CDH13: variants seen among roughly 807,000 people sequenced by gnomAD.
The protein encoded by CDH13 is cadherin 13.
Under a neutral mutation model 63.8 loss-of-function variants are expected in CDH13, and 24 were observed. The ratio of observed to expected loss-of-function variants is 0.38; its 90% CI spans 0.27 to 0.53. CDH13 has a LOEUF of 0.53. CDH13 is among the 20% of genes least tolerant of loss of function. The pLI is 0.85. For missense variants in CDH13, 1,049 were observed against 903.1 expected (o/e 1.16, Z -2.07); for synonymous variants, 503 against 355.3 (o/e 1.42, Z -4.67).
chr16:83,044,067 A>G (rs1004681115), intron 3 of CDH13, among the ~76,000 whole-genome samples: 2 of 152,216 alleles, frequency 1.3e-5, no homozygotes, highest in Admixed American at 1.3e-4. Context: ...AGGATCATTC[A>G]CTGAGTTCCT....
intron 6 of CDH13, among the ~76,000 whole-genome samples, chr16:83,424,258 A>G (rs973709081): frequency 1.3e-5 from 2 of 152,206 alleles, no homozygotes; most frequent in African/African-American, 4.8e-5. Flanking sequence ...CATGGACTGG[A>G]CAGTCTAGAA....
chr16:83,412,537 C>T (rs114533196), intron 6 of CDH13, among the ~76,000 whole-genome samples: 3,590 of 152,196 alleles, frequency 0.024, 57 homozygotes, highest in Middle Eastern at 0.044. Flanking sequence ...GGCATAAGCC[C>T]CCACCTTAGT....
At chr16:83,683,934 G>A (rs529525107) in intron 10 of CDH13, among the ~76,000 whole-genome samples, 9 of 152,282 alleles carry the variant, frequency 5.9e-5, no homozygotes, top group South Asian at 4.1e-4. Flanking sequence ...CCACTCTGTC[G>A]TCTCCAGGTG....
At chr16:83,567,647 G>C (rs1306404062) in intron 7 of CDH13, among the ~76,000 whole-genome samples, 1 of 152,162 alleles carries the variant, frequency 6.6e-6, no homozygotes, top group African/African-American at 2.4e-5. Flanking sequence ...CCAGGCTGGA[G>C]TGCAGTGGTG....
At chr16:82,790,753 G>T (rs1340825760) in intron 1 of CDH13, among the ~76,000 whole-genome samples, 1 of 152,176 alleles carries the variant, frequency 6.6e-6, no homozygotes, top group Non-Finnish European at 1.5e-5. Context: ...GCAGCAGGAA[G>T]GAGAGTGCCA....
At chr16:83,298,047 CAA>C (rs71382871) in intron 5 of CDH13, among the ~76,000 whole-genome samples, 94 of 99,752 alleles carry the variant, frequency 9.4e-4, no homozygotes, top group Non-Finnish European at 1.0e-3. Context: ...CTTGTTTCTA[CAA>C]AAAAAAAAAA....
chr16:82,781,741 C>G (rs9930545), intron 1 of CDH13, among the ~76,000 whole-genome samples: 23,100 of 152,212 alleles, frequency 0.15, 1,872 homozygotes, highest in African/African-American at 0.2. Context: ...CGTAACCACT[C>G]ATCCTTAAAC....
At chr16:83,286,636 G>C (rs971241798) in intron 5 of CDH13, among the ~76,000 whole-genome samples, 3 of 151,892 alleles carry the variant, frequency 2.0e-5, no homozygotes, top group Non-Finnish European at 4.4e-5. Flanking sequence ...TGCGCTGGTA[G>C]TCCCAGCTAC....
chr16:83,792,704 A>G (rs1263443250), intron 13 of CDH13, among the ~76,000 whole-genome samples: 5 of 152,206 alleles, frequency 3.3e-5, no homozygotes, highest in Admixed American at 3.3e-4. Flanking sequence ...TCTAACCAAA[A>G]TTAGACACAG....
chr16:83,520,963 T>A (rs2074818385), intron 7 of CDH13, among the ~76,000 whole-genome samples: 1 of 152,002 alleles, frequency 6.6e-6, no homozygotes, highest in South Asian at 2.1e-4. Context: ...TCTCCTCAGG[T>A]TTCAACCATC....
At chr16:83,223,478 C>T (rs547264712) in intron 5 of CDH13, among the ~76,000 whole-genome samples, 1 of 152,344 alleles carries the variant, frequency 6.6e-6, no homozygotes, top group Non-Finnish European at 1.5e-5. Context: ...TTGGAGGTGA[C>T]AGGCATTTCA....
intron 6 of CDH13, among the ~76,000 whole-genome samples, chr16:83,391,446 C>T (rs1049077456): frequency 5.3e-5 from 8 of 152,066 alleles, no homozygotes; most frequent in South Asian, 2.1e-4. Context: ...CCTCGTGATC[C>T]GCCCGCCTCA....
intron 8 of CDH13, among the ~76,000 whole-genome samples, chr16:83,625,044 C>G (rs11639522): frequency 0.4 from 60,545 of 151,934 alleles, 12,754 homozygotes; most frequent in East Asian, 0.75. Context: ...TATTTAAGCA[C>G]AAAAATGGAC....
intron 7 of CDH13, among the ~76,000 whole-genome samples, chr16:83,502,596 A>C (rs1348755735): frequency 1.3e-5 from 2 of 152,224 alleles, no homozygotes; most frequent in Non-Finnish European, 2.9e-5. Context: ...GTGGGCTTGA[A>C]AGAGATGACG....
At chr16:83,344,711 A>C in intron 5 of CDH13, 151 bp from the exon 6 acceptor site, 1 of 665,526 alleles carries the variant, frequency 1.5e-6, no homozygotes, top group South Asian at 2.1e-5. Context: ...TTTCTATTCT[A>C]GTCCCAGTGA....
At chr16:82,784,416 C>T (rs996781729) in intron 1 of CDH13, among the ~76,000 whole-genome samples, 4 of 152,144 alleles carry the variant, frequency 2.6e-5, no homozygotes, top group African/African-American at 4.8e-5. Context: ...AAATGTGGTC[C>T]AGCTGTGTGT....
At chr16:83,217,232 G>A (rs1027380114) in intron 4 of CDH13, 113 bp from the exon 5 acceptor site, 9 of 973,350 alleles carry the variant, frequency 9.2e-6, no homozygotes, top group Non-Finnish European at 1.4e-5. Context: ...TGTTCACCAG[G>A]TACCCATGTG....
chr16:83,242,683 A>C (rs972755911), intron 5 of CDH13, among the ~76,000 whole-genome samples: 3 of 152,206 alleles, frequency 2.0e-5, no homozygotes, highest in Non-Finnish European at 4.4e-5. Context: ...GACAATGGCA[A>C]TACTTGGGAA....
intron 7 of CDH13, among the ~76,000 whole-genome samples, chr16:83,503,907 A>G (rs7202342): frequency 0.061 from 9,071 of 149,474 alleles, 893 homozygotes; most frequent in African/African-American, 0.21. Flanking sequence ...TTAGATCCCC[A>G]TAGTCAATTT....
Sources: gnomAD v4.1 joint callset for allele counts (sites outside exome capture counted in the v4.1 genomes callset) on GRCh38, gnomAD v4.1.1 for gene constraint, MANE v1.5 for transcripts, NCBI Gene and HGNC (gene_info 2026-07-23, HGNC 2026-07-21) for gene names.